The following NKAIN2 variants were observed in gnomAD, a reference collection of about 807,000 sequenced individuals.
NKAIN2 encodes sodium/potassium transporting ATPase interacting 2, also known as sodium/potassium-transporting ATPase subunit beta-1-interacting protein 2.
Under a neutral mutation model 32.6 loss-of-function variants are expected in NKAIN2, and 14 were observed. The ratio of observed to expected loss-of-function variants is 0.43; its 90% confidence interval spans 0.28 to 0.67. The LOEUF (loss-of-function observed/expected upper bound fraction) is 0.67. Ranked by LOEUF, NKAIN2 falls within the 30% of genes least tolerant of loss-of-function variation. The pLI is 0.17. For synonymous variants in NKAIN2, 80 were observed against 87.2 expected, an observed-to-expected ratio of 0.92 and a Z score of 0.46; for missense variants, 198 against 258.3, an observed-to-expected ratio of 0.77 and a Z score of 1.60.
Position 124,759,647 on chromosome 6 carries a change from ACACACACAC to A in NKAIN2, c.475-31690_475-31682del, listed in dbSNP as rs1485215715. Among the ~76,000 whole-genome samples, 32 of 80,862 alleles carry A rather than the reference ACACACACAC, an allele frequency of 4.0e-4. 1 individual carries two copies. The highest frequency in any genetic ancestry group is 8.9e-4 in the African/African-American group (20 of 22,566). 53.0% of individuals were successfully genotyped at this position (80,862 alleles called of 152,430 possible). On this transcript the variant is annotated intron_variant, in intron 4 of 6. Transcript: ENST00000368417. ...CACACACACACACACACACACACACACACACACACCCCCTATCTCCCTTTCCTGCCTTAT... is the reference window on the plus strand; with the variant it reads ...CACACACACACACACACACACACACACCCCTATCTCCCTTTCCTGCCTTAT...
intron 1 of NKAIN2, among the ~76,000 whole-genome samples, chr6:124,086,843 A>T (rs2114919200): frequency 6.6e-6 from 1 of 152,042 alleles, no homozygotes; most frequent in Admixed American, 6.6e-5. Flanking sequence ...TCTACAAAAC[A>T]TTTAAGGAAG....
chr6:124,473,558 A>C (rs1473143661), intron 3 of NKAIN2, among the ~76,000 whole-genome samples: 1 of 152,136 alleles, frequency 6.6e-6, no homozygotes, highest in African/African-American at 2.4e-5. Flanking sequence ...ACTTGTTGGC[A>C]CTTTTTTAGT....
intron 3 of NKAIN2, among the ~76,000 whole-genome samples, chr6:124,534,502 C>T (rs185435805): frequency 8.9e-4 from 135 of 152,302 alleles, no homozygotes; most frequent in Admixed American, 2.7e-3. Flanking sequence ...TAGCCCAACG[C>T]CTTGTGGGGA....
intron 1 of NKAIN2, among the ~76,000 whole-genome samples, chr6:124,084,271 G>C (rs186375723): frequency 2.0e-5 from 3 of 152,052 alleles, no homozygotes; most frequent in African/African-American, 7.2e-5. Context: ...TTCGGTCAAT[G>C]ATGGACTGCA....
intron 4 of NKAIN2, among the ~76,000 whole-genome samples, chr6:124,772,898 G>A (rs944908864): frequency 6.6e-6 from 1 of 152,102 alleles, no homozygotes; most frequent in African/African-American, 2.4e-5. Context: ...TACACTAAAA[G>A]CCCAATCCCT....
intron 3 of NKAIN2, among the ~76,000 whole-genome samples, chr6:124,464,013 T>G (rs184933151): frequency 0.045 from 6,919 of 152,146 alleles, 543 homozygotes; most frequent in African/African-American, 0.16. Context: ...GACAAAGTCT[T>G]ACTTTGTCAC....
chr6:124,437,880 T>TTTTTTTG (rs1775524342), intron 3 of NKAIN2: 1 of 409,116 alleles, frequency 2.4e-6, no homozygotes, highest in Non-Finnish European at 4.8e-6. Context: ...TGATTTTTTT[T>TTTTTTTG]TTTTTTTTTT....
At chr6:124,508,652 T>C (rs562767698) in intron 3 of NKAIN2, among the ~76,000 whole-genome samples, 1 of 152,214 alleles carries the variant, frequency 6.6e-6, no homozygotes, top group Admixed American at 6.5e-5. Context: ...CATGAGCTTG[T>C]ATTAGTCTTT....
At chr6:123,953,182 G>T (rs138965108) in intron 1 of NKAIN2, among the ~76,000 whole-genome samples, 1 of 152,264 alleles carries the variant, frequency 6.6e-6, no homozygotes, top group East Asian at 1.9e-4. Context: ...AGTGGCTTAA[G>T]GTGTGGTTGT....
chr6:124,758,333 C>A (rs2114727369), intron 4 of NKAIN2, among the ~76,000 whole-genome samples: 1 of 152,180 alleles, frequency 6.6e-6, no homozygotes, highest in Middle Eastern at 3.4e-3. Flanking sequence ...GTGATTAAAA[C>A]CCTCATAAGA....
chr6:124,146,295 G>C (rs575613674), intron 1 of NKAIN2, among the ~76,000 whole-genome samples: 103 of 151,736 alleles, frequency 6.8e-4, no homozygotes, highest in Admixed American at 1.8e-3. Context: ...TTTCTTTTCA[G>C]AACTACAATT....
intron 1 of NKAIN2, among the ~76,000 whole-genome samples, chr6:124,060,861 A>G (rs543411973): frequency 1.3e-5 from 2 of 152,318 alleles, no homozygotes; most frequent in African/African-American, 4.8e-5. Flanking sequence ...GCTTTGGCAT[A>G]AAAATATTCA....
intron 3 of NKAIN2, among the ~76,000 whole-genome samples, chr6:124,474,931 A>G (rs1287946526): frequency 6.8e-6 from 1 of 147,868 alleles, no homozygotes; most frequent in Non-Finnish European, 1.5e-5. Context: ...TATGCATTAT[A>G]TAGGTATATA....
At chr6:124,679,884 G>C (rs1010810930) in intron 4 of NKAIN2, among the ~76,000 whole-genome samples, 1 of 152,160 alleles carries the variant, frequency 6.6e-6, no homozygotes, top group Non-Finnish European at 1.5e-5. Context: ...TTTTACATGA[G>C]AGCTGGGCTA....
intron 3 of NKAIN2, among the ~76,000 whole-genome samples, chr6:124,588,872 CTATCT>C (rs565319291): frequency 1.2e-3 from 179 of 152,182 alleles, no homozygotes; most frequent in African/African-American, 4.0e-3. Flanking sequence ...AAAATATTTT[CTATCT>C]TATCTTATAA....
chr6:124,643,152 G>A (rs543970510), intron 3 of NKAIN2, among the ~76,000 whole-genome samples: 1 of 152,244 alleles, frequency 6.6e-6, no homozygotes, highest in South Asian at 2.1e-4. Context: ...ATTTAATGGT[G>A]CTTGTGGTCT....
chr6:124,584,205 C>T (rs1234899503), intron 3 of NKAIN2, among the ~76,000 whole-genome samples: 4 of 152,118 alleles, frequency 2.6e-5, no homozygotes, highest in Non-Finnish European at 5.9e-5. Flanking sequence ...TGGGAAGAGA[C>T]AACCCACAGA....
At chr6:124,461,893 A>T (rs1321188237) in intron 3 of NKAIN2, among the ~76,000 whole-genome samples, 1 of 151,124 alleles carries the variant, frequency 6.6e-6, no homozygotes, top group Admixed American at 6.6e-5. Context: ...TTTTGTTTAG[A>T]TGCTGGTTTG....
intron 1 of NKAIN2, among the ~76,000 whole-genome samples, chr6:124,182,726 A>C (rs1056890646): frequency 1.3e-5 from 2 of 152,146 alleles, no homozygotes; most frequent in African/African-American, 4.8e-5. Context: ...TGATTGAGAA[A>C]ATAATTAAGG....
Sources: gnomAD v4.1 joint callset for allele counts (sites outside exome capture counted in the v4.1 genomes callset) on GRCh38, gnomAD v4.1.1 for gene constraint, MANE v1.5 for transcripts, NCBI Gene and HGNC (gene_info 2026-07-23, HGNC 2026-07-21) for gene names.